The following MGAT4C variants were observed in gnomAD, a reference collection of about 807,000 sequenced individuals.
The protein encoded by MGAT4C is alpha-1,3-mannosyl-glycoprotein 4-beta-N-acetylglucosaminyltransferase C.
In MGAT4C, 19 loss-of-function variants were observed where a neutral mutation model predicts 40.1. The ratio of observed to expected loss-of-function variants is 0.47; its 90% CI spans 0.33 to 0.70. The LOEUF (loss-of-function observed/expected upper bound fraction) is 0.70, where lower values mean the gene tolerates loss of function less well. Ranked by LOEUF, MGAT4C falls within the 30% of genes least tolerant of loss-of-function variation. The probability of loss-of-function intolerance (pLI) is 0.02; values close to 1 mark genes in which losing one functional copy is unlikely to be tolerated. For missense variants in MGAT4C, 491 were observed against 563.2 expected (o/e 0.87, Z 1.30); for synonymous variants, 181 against 187.1 (o/e 0.97, Z 0.27).
intron 1 of MGAT4C, among the ~76,000 whole-genome samples, chr12:86,836,735 C>T (rs948286529): frequency 2.0e-5 from 3 of 151,978 alleles, no homozygotes; most frequent in African/African-American, 7.2e-5. Flanking sequence ...TTATATTCAT[C>T]TAACATTCAA....
chr12:86,171,426 T>G (rs1593136622), intron 1 of MGAT4C, among the ~76,000 whole-genome samples: 1 of 152,176 alleles, frequency 6.6e-6, no homozygotes, highest in South Asian at 2.1e-4. Flanking sequence ...GGATACAACA[T>G]GCAGATAAAT....
intron 1 of MGAT4C, among the ~76,000 whole-genome samples, chr12:86,056,274 G>A (rs1242982306): frequency 6.6e-6 from 1 of 152,060 alleles, no homozygotes; most frequent in African/African-American, 2.4e-5. Context: ...TAGGGTACAC[G>A]TGCACAACGT....
chr12:85,972,467 T>A lies in MGAT4C; in HGVS notation c.*6822A>T, dbSNP rs1288458492. ...AAAAAGACTTTAGGAGTTTTAATTA[T>A]TTTTAATATATTGCTTCTTTATTAA... On this transcript the variant is annotated 3_prime_UTR_variant, in exon 5 of 5. Transcript: ENST00000611864. 1 of 151,102 alleles carries A rather than the reference T, an allele frequency of 6.6e-6. No homozygotes were observed. The highest frequency in any genetic ancestry group is 1.5e-5 in the Non-Finnish European group (1 of 67,250). The allele number at this position is 151,102 out of a possible 1,614,324, so 9.4% of individuals were successfully genotyped here.
At chr12:86,654,367 G>A (rs867064816) in intron 2 of MGAT4C, among the ~76,000 whole-genome samples, 23 of 150,276 alleles carry the variant, frequency 1.5e-4, no homozygotes, top group South Asian at 4.2e-4. Flanking sequence ...GACAACAATC[G>A]AAATCAGCTT....
intron 2 of MGAT4C, among the ~76,000 whole-genome samples, chr12:86,465,635 A>G (rs12812136): frequency 6.6e-6 from 1 of 152,160 alleles, no homozygotes; most frequent in African/African-American, 2.4e-5. Flanking sequence ...AAGATGCTCC[A>G]CAATATATGT....
chr12:86,523,355 G>C (rs1958828754), intron 2 of MGAT4C, among the ~76,000 whole-genome samples: 1 of 152,110 alleles, frequency 6.6e-6, no homozygotes, highest in South Asian at 2.1e-4. Flanking sequence ...GTTCCCAAAA[G>C]TCATTCAGGA....
chr12:86,357,869 T>C (rs1955353247), intron 3 of MGAT4C, among the ~76,000 whole-genome samples: 1 of 152,082 alleles, frequency 6.6e-6, no homozygotes, highest in South Asian at 2.1e-4. Flanking sequence ...TACCTGAAAG[T>C]GATGGGGAGA....
At chr12:86,571,332 A>G (rs753201592) in intron 2 of MGAT4C, among the ~76,000 whole-genome samples, 1 of 152,158 alleles carries the variant, frequency 6.6e-6, no homozygotes. Flanking sequence ...AGATAATTTC[A>G]AAGATGAATA....
chr12:86,195,196 C>A (rs924056918), intron 1 of MGAT4C, among the ~76,000 whole-genome samples: 1 of 152,204 alleles, frequency 6.6e-6, no homozygotes, highest in South Asian at 2.1e-4. Flanking sequence ...AAAGGTGGCA[C>A]AGAAATTTGG....
chr12:86,772,988 G>C (rs1951664984), intron 1 of MGAT4C, among the ~76,000 whole-genome samples: 1 of 152,066 alleles, frequency 6.6e-6, no homozygotes, highest in Non-Finnish European at 1.5e-5. Context: ...TGCTGGGATG[G>C]GGTGAATGTA....
upstream of MGAT4C, among the ~76,000 whole-genome samples, chr12:86,256,607 T>C (rs1490297463): frequency 6.6e-6 from 1 of 152,156 alleles, no homozygotes; most frequent in Non-Finnish European, 1.5e-5. Context: ...CTGAAAATAC[T>C]GCCCTCTAAT....
intron 2 of MGAT4C, among the ~76,000 whole-genome samples, chr12:86,568,949 TG>T (rs948008856): frequency 2.0e-5 from 3 of 151,636 alleles, no homozygotes; most frequent in South Asian, 2.1e-4. Context: ...AAAAACTAGC[TG>T]AAAAAAATTA....
intron 2 of MGAT4C, among the ~76,000 whole-genome samples, chr12:86,585,366 T>C (rs142403852): frequency 0.012 from 1,785 of 151,646 alleles, 15 homozygotes; most frequent in Non-Finnish European, 0.019. Flanking sequence ...GTGTAATGCA[T>C]TGAACTAGAC....
intron 2 of MGAT4C, among the ~76,000 whole-genome samples, chr12:85,991,022 T>C (rs1885856045): frequency 6.6e-6 from 1 of 152,144 alleles, no homozygotes; most frequent in African/African-American, 2.4e-5. Context: ...TTGTCCTGCA[T>C]CGAGGAAGAA....
intron 2 of MGAT4C, among the ~76,000 whole-genome samples, chr12:86,573,614 G>A (rs1273912605): frequency 6.6e-6 from 1 of 151,918 alleles, no homozygotes; most frequent in Admixed American, 6.6e-5. Context: ...CTCCATGAGG[G>A]CAACAATAAT....
At chr12:86,072,676 G>A (rs1200568340) in intron 1 of MGAT4C, among the ~76,000 whole-genome samples, 1 of 152,154 alleles carries the variant, frequency 6.6e-6, no homozygotes, top group African/African-American at 2.4e-5. Context: ...GCGAAACAGA[G>A]TGGAGGAGGA....
At chr12:86,816,365 T>G (rs1952606901) in intron 1 of MGAT4C, among the ~76,000 whole-genome samples, 1 of 151,874 alleles carries the variant, frequency 6.6e-6, no homozygotes, top group Non-Finnish European at 1.5e-5. Context: ...TAGTTGACGG[T>G]AAGCTATCCC....
rs1286861912 is a variant in MGAT4C, at chr12:85,975,082, T to C, written c.*4207A>G. 1 of 150,944 alleles carries C rather than the reference T, an allele frequency of 6.6e-6. No homozygotes were observed. Among genetic ancestry groups the C allele is most frequent in the Non-Finnish European group, 1.5e-5 (1 of 67,134 alleles). 9.4% of individuals were successfully genotyped at this position (150,944 alleles called of 1,614,324 possible). ...GATTTCTTAAAACAGAAATGAATAT[T>C]ATTATTTGTGATGAGAGCACTAGGG... On this transcript the variant is annotated 3_prime_UTR_variant, in exon 5 of 5. Coordinates refer to ENST00000611864, the MANE Select transcript of MGAT4C (RefSeq NM_001351288.2).
At chr12:86,502,230 T>G (rs1474448402) in intron 2 of MGAT4C, among the ~76,000 whole-genome samples, 1 of 151,982 alleles carries the variant, frequency 6.6e-6, no homozygotes, top group Non-Finnish European at 1.5e-5. Context: ...TATTCATAAG[T>G]GAGAGAAGCA....
Sources: gnomAD v4.1 joint callset for allele counts (sites outside exome capture counted in the v4.1 genomes callset) on GRCh38, gnomAD v4.1.1 for gene constraint, MANE v1.5 for transcripts, NCBI Gene and HGNC (gene_info 2026-07-23, HGNC 2026-07-21) for gene names.